The following CDH18 variants were observed in gnomAD, a reference collection of about 807,000 sequenced individuals.
CDH18 encodes the protein cadherin 18.
Under a neutral mutation model 67.9 loss-of-function variants are expected in CDH18, and 31 were observed. That is an observed-to-expected ratio of 0.46 (90% CI 0.34 to 0.62). The LOEUF (loss-of-function observed/expected upper bound fraction) is 0.62. CDH18 is among the 20% of genes least tolerant of loss of function. The pLI is 0.01. For missense variants in CDH18, 890 were observed against 975.5 expected (o/e 0.91, Z 1.17); for synonymous variants, 362 against 347.2 (o/e 1.04, Z -0.48).
chr5:19,725,309 T>C (rs1394343783), intron 4 of CDH18, among the ~76,000 whole-genome samples: 2 of 152,154 alleles, frequency 1.3e-5, no homozygotes, highest in African/African-American at 4.8e-5. Context: ...AGAATACCAC[T>C]AGGTAGGCAT....
chr5:19,896,852 G>A (rs1789397167), intron 2 of CDH18, among the ~76,000 whole-genome samples: 1 of 152,146 alleles, frequency 6.6e-6, no homozygotes, highest in Non-Finnish European at 1.5e-5. Context: ...CAAGATAGAA[G>A]TTAGGAAATT....
intron 1 of CDH18, among the ~76,000 whole-genome samples, chr5:20,563,189 A>AATTACTTCAATTACTT (rs1159989936): frequency 2.0e-5 from 3 of 152,024 alleles, no homozygotes; most frequent in Non-Finnish European, 4.4e-5. Context: ...CAATTACTTC[A>AATTACTTCAATTACTT]CAGTTGAAAA....
intron 2 of CDH18, among the ~76,000 whole-genome samples, chr5:19,874,850 T>C (rs1164065861): frequency 6.6e-6 from 1 of 152,204 alleles, no homozygotes; most frequent in African/African-American, 2.4e-5. Flanking sequence ...ATTTTAAGTT[T>C]CTGGTTGCAA....
intron 2 of CDH18, among the ~76,000 whole-genome samples, chr5:20,112,724 A>T (rs1157674704): frequency 1.3e-5 from 2 of 152,212 alleles, no homozygotes; most frequent in South Asian, 2.1e-4. Context: ...AAAAATAAAA[A>T]AAATAAAATA....
chr5:20,375,645 AT>A (rs890708215), intron 1 of CDH18, among the ~76,000 whole-genome samples: 15 of 152,006 alleles, frequency 9.9e-5, no homozygotes, highest in African/African-American at 2.9e-4. Context: ...CTGTCAATTC[AT>A]TTTTTTTAGG....
chr5:20,475,649 T>A (rs1752386505), intron 1 of CDH18, among the ~76,000 whole-genome samples: 1 of 152,194 alleles, frequency 6.6e-6, no homozygotes, highest in Non-Finnish European at 1.5e-5. Context: ...TCTAGGTAAA[T>A]AATACTGTCA....
chr5:20,356,175 G>A (rs575328259), intron 1 of CDH18, among the ~76,000 whole-genome samples: 3 of 152,272 alleles, frequency 2.0e-5, no homozygotes, highest in African/African-American at 7.2e-5. Context: ...CTGAGGTCAG[G>A]CATTTGAGAC....
intron 2 of CDH18, among the ~76,000 whole-genome samples, chr5:19,925,462 T>C (rs1317265696): frequency 6.6e-6 from 1 of 152,098 alleles, no homozygotes; most frequent in African/African-American, 2.4e-5. Flanking sequence ...ACTCATCACA[T>C]GGGGATGATT....
intron 1 of CDH18, among the ~76,000 whole-genome samples, chr5:20,273,857 G>A (rs919365381): frequency 6.6e-6 from 1 of 152,090 alleles, no homozygotes; most frequent in Non-Finnish European, 1.5e-5. Context: ...GTCATTACAG[G>A]TTAAAGTGTA....
chr5:19,961,847 C>A (rs1579825426), intron 2 of CDH18, among the ~76,000 whole-genome samples: 1 of 151,872 alleles, frequency 6.6e-6, no homozygotes, highest in South Asian at 2.1e-4. Flanking sequence ...ATAATTGGCC[C>A]TTAATCTCGT....
At chr5:20,118,075 A>G (rs1257587092) in intron 2 of CDH18, among the ~76,000 whole-genome samples, 3 of 152,216 alleles carry the variant, frequency 2.0e-5, no homozygotes, top group Non-Finnish European at 2.9e-5. Context: ...GAAAGAATCA[A>G]CTTCTTAGGA....
chr5:20,387,504 C>T (rs1477004455), intron 1 of CDH18, among the ~76,000 whole-genome samples: 1 of 152,128 alleles, frequency 6.6e-6, no homozygotes, highest in Non-Finnish European at 1.5e-5. Context: ...ACAATCATGT[C>T]ATCTGCAAAC....
intron 1 of CDH18, among the ~76,000 whole-genome samples, chr5:20,370,802 G>C (rs938313456): frequency 1.1e-4 from 17 of 152,118 alleles, no homozygotes; most frequent in African/African-American, 2.4e-4. Flanking sequence ...ACTGTGGAAG[G>C]CTGAGGCAGG....
rs144666193 is a variant in CDH18 at position 19,731,458 on chromosome 5, A to G, written c.524-9992T>C. The stretch of plus-strand genomic sequence containing the variant: ...AGAGTGAGACTCCATCTCAACAACA[A>G]CAACAAATGTCATCTTCAGCATCAT... On this transcript the variant is annotated intron_variant, in intron 4 of 12. Transcript: ENST00000382275. 1.3e-3 allele frequency among the ~76,000 whole-genome samples: 194 copies of G among 152,142 alleles called. 1 individual carries two copies. The highest frequency in any genetic ancestry group is 4.5e-3 in the African/African-American group (188 of 41,494).
At chr5:19,951,994 ATCCT>A (rs1271714272) in intron 2 of CDH18, among the ~76,000 whole-genome samples, 3 of 152,032 alleles carry the variant, frequency 2.0e-5, no homozygotes, top group Non-Finnish European at 4.4e-5. Flanking sequence ...ATCTGAAAAG[ATCCT>A]TCCTTATTTT....
chr5:20,067,019 AC>A (rs535129271), intron 2 of CDH18, among the ~76,000 whole-genome samples: 8 of 151,912 alleles, frequency 5.3e-5, no homozygotes, highest in African/African-American at 9.7e-5. Flanking sequence ...GGAAAAAAAA[AC>A]AACAGTAAAA....
intron 1 of CDH18, among the ~76,000 whole-genome samples, chr5:20,558,005 T>C (rs1758006411): frequency 7.1e-6 from 1 of 141,594 alleles, no homozygotes; most frequent in African/African-American, 2.7e-5. Context: ...TTAAATGTTA[T>C]AGTTATATAA....
rs531842173 is a variant in CDH18, at chr5:19,845,125, T to C, written c.-256-5883A>G. ...TTTTAAAAAATATATATCCAAATTA[T>C]AGTTGTTAAGATAGTTTCTTTGTAT... On this transcript the variant is annotated intron_variant, in intron 2 of 12. Transcript: ENST00000382275. 7.9e-5 allele frequency among the ~76,000 whole-genome samples: 12 copies of C among 152,266 alleles called. No individual in the cohort carries two copies. In the South Asian group the frequency reaches 1.7e-3, roughly 21 times the overall value.
At chr5:20,455,339 A>C (rs1750765671) in intron 1 of CDH18, among the ~76,000 whole-genome samples, 1 of 152,100 alleles carries the variant, frequency 6.6e-6, no homozygotes, top group Non-Finnish European at 1.5e-5. Context: ...TTTGCCCTCA[A>C]TATGATGATG....
Sources: allele counts gnomAD v4.1 joint callset (sites outside exome capture counted in the v4.1 genomes callset), GRCh38; gene constraint gnomAD v4.1.1; transcripts MANE v1.5; gene names NCBI Gene and HGNC (gene_info 2026-07-23, HGNC 2026-07-21).